The following COL3A1 variants were observed in gnomAD, a reference collection of about 807,000 sequenced individuals.
The protein encoded by COL3A1 is collagen type III alpha 1 chain, also known as collagen alpha-1(III) chain.
In COL3A1, 46 loss-of-function variants were observed where a neutral mutation model predicts 200.9. The ratio of observed to expected loss-of-function variants is 0.23; its 90% CI spans 0.18 to 0.29. The LOEUF is 0.29. Ranked by LOEUF, COL3A1 falls within the 10% of genes least tolerant of loss-of-function variation. COL3A1 has a pLI of 1.00. For synonymous variants in COL3A1, 650 were observed against 628.0 expected (o/e 1.03, Z -0.52); for missense variants, 1,367 against 1,917.6 (o/e 0.71, Z 5.36).
At chr2:188,989,143 AT>A (rs1430673731) in intron 7 of COL3A1, among the ~76,000 whole-genome samples, 13 of 151,578 alleles carry the variant, frequency 8.6e-5, no homozygotes, top group Admixed American at 8.5e-4. Flanking sequence ...TATATTTAAT[AT>A]TCCTAAACGT....
At position 188,994,695 on chromosome 2, in the gene COL3A1, T is replaced by C; in HGVS notation, c.1348-29T>C. The C allele has an allele frequency of 1.2e-6, 2 of 1,611,402 alleles. No homozygotes were observed. The highest frequency in any genetic ancestry group is 1.7e-6 in the Non-Finnish European group (2 of 1,178,574). ...TTGAACTAAATTCAGTCATAATTTC[T>C]TTATTTTACCATCTTTTTTTTTTTT... On this transcript the variant is annotated intron_variant, in intron 19 of 50. Transcript: ENST00000304636. The surrounding 1 kb of genome is among the most constrained non-coding windows in gnomAD (Gnocchi z 4.5).
intron 36 of COL3A1, 116 bp from the exon 37 acceptor site, chr2:189,003,295 C>A (rs1688510973): frequency 1.1e-6 from 1 of 884,896 alleles, no homozygotes. Context: ...TCAGCACCAG[C>A]AATCTAAAAG....
Position 189,008,837 on chromosome 2 carries a change from T to C in COL3A1, c.3526-87T>C, listed in dbSNP as rs944059780. 10 of 1,390,768 alleles carry C rather than the reference T, an allele frequency of 7.2e-6. No homozygotes were observed. In the African/African-American group the frequency reaches 1.1e-4, roughly 16 times the overall value. 86.2% of individuals were successfully genotyped at this position (1,390,768 alleles called of 1,614,324 possible). A position where few individuals can be genotyped will look rare whatever the true frequency, so the allele number is the denominator to read the frequency against. On this transcript the variant is annotated intron_variant, in intron 47 of 50. Coordinates refer to ENST00000304636, the MANE Select transcript of COL3A1 (RefSeq NM_000090.4). Reference sequence around the variant, plus strand: ...TGATGACACAATGAATGAATTATTTTTAAGGCATTTTCTTGGACTAGCAAT... The same window carrying C: ...TGATGACACAATGAATGAATTATTTCTAAGGCATTTTCTTGGACTAGCAAT...
chr2:188,978,639 A>G (rs1414925931), intron 1 of COL3A1, among the ~76,000 whole-genome samples: 2 of 151,868 alleles, frequency 1.3e-5, no homozygotes, highest in Admixed American at 1.3e-4. Context: ...TTTGCTGGAC[A>G]TGAGGAACAG....
intron 1 of COL3A1, among the ~76,000 whole-genome samples, chr2:188,975,591 A>T (rs1365187674): frequency 2.0e-5 from 3 of 152,202 alleles, no homozygotes; most frequent in Admixed American, 6.5e-5. Context: ...ATTTAAACAT[A>T]TAGATTTTGC....
intron 36 of COL3A1, 141 bp downstream of exon 36, chr2:189,003,203 G>A: frequency 1.2e-6 from 1 of 820,860 alleles, no homozygotes; most frequent in Non-Finnish European, 2.0e-6. Context: ...AGGTTTATCA[G>A]TAATTTAATA....
chr2:189,007,063 T>A, intron 44 of COL3A1, 73 bp downstream of exon 44: 1 of 1,137,406 alleles, frequency 8.8e-7, no homozygotes, highest in Non-Finnish European at 1.3e-6. Flanking sequence ...TAGGAAATAT[T>A]TTATTTTCCA....
In COL3A1 at chr2:189,011,948, T is replaced by C; in HGVS notation, c.*174T>C. On this transcript the variant is annotated 3_prime_UTR_variant, in exon 51 of 51. Coordinates refer to ENST00000304636, the MANE Select transcript of COL3A1 (RefSeq NM_000090.4). Reference sequence around the variant, plus strand: ...AATGATACTTCTCTTTTTTTGCTGTTCCACCAAATACAATTCAAATGCTTT... The same window carrying C: ...AATGATACTTCTCTTTTTTTGCTGTCCCACCAAATACAATTCAAATGCTTT... 1.5e-6 allele frequency: 1 copy of C among 687,258 alleles called. No homozygotes were observed. The highest frequency in any genetic ancestry group is 2.8e-5 in the Admixed American group (1 of 35,672). 42.6% of individuals were successfully genotyped at this position (687,258 alleles called of 1,614,324 possible).
In COL3A1 at chr2:188,995,727, A is replaced by C; in HGVS notation, c.1545A>C (p.Ala515=). ...GAGAGCGTGGTGCTCCAGGCCCTGC[A>C]GGGCCCAGAGGAGCTGCTGGAGAAC... ...PAGERGAPGP[A]GPRGAAGEPG... is the part of the protein sequence containing the mutation. The change falls in exon 22 of 51, where the codon GCA becomes GCC. Residue 515 remains alanine, a synonymous_variant. Coordinates refer to ENST00000304636, the MANE Select transcript of COL3A1 (RefSeq NM_000090.4). 6.4e-7 allele frequency: 1 copy of C among 1,564,280 alleles called. No individual in the cohort carries two copies. Among genetic ancestry groups the C allele is most frequent in the Non-Finnish European group, 8.7e-7 (1 of 1,153,790 alleles).
chr2:189,002,371 C>T lies in COL3A1; in HGVS notation c.2445+20C>T. The T allele has an allele frequency of 6.2e-7, 1 of 1,609,118 alleles. No homozygotes were observed. Among genetic ancestry groups the T allele is most frequent in the Non-Finnish European group, 8.5e-7 (1 of 1,175,524 alleles). On this transcript the variant is annotated intron_variant, in intron 35 of 50. Transcript: ENST00000304636. ...GCTCCTGTAAGTGTGAATATTTATA[C>T]ATACATGTCCCATAGCCCAGGATCT...
At position 188,994,661 on chromosome 2, in the gene COL3A1, G is replaced by A; in HGVS notation, c.1348-63G>A. ...TGCAACATAATTAGAAAGTAAACAG[G>A]TAAAAACTTTGAACTAAATTCAGTC... On this transcript the variant is annotated intron_variant, in intron 19 of 50. Coordinates refer to ENST00000304636, the MANE Select transcript of COL3A1 (RefSeq NM_000090.4). The surrounding 1 kb of genome is among the most constrained non-coding windows in gnomAD (Gnocchi z 4.5). 6.2e-7 allele frequency: 1 copy of A among 1,611,920 alleles called. No individual in the cohort carries two copies. Among genetic ancestry groups the A allele is most frequent in the South Asian group, 1.1e-5 (1 of 90,962 alleles).
rs550665335 is a variant in COL3A1, at chr2:189,009,005, G to C, written c.3607G>C (p.Ala1203Pro). ...TCCTTGCTGTGGTGGTGTTGGAGCC[G>C]CTGCCATTGCTGGGATTGGAGGTGA... ...PGPCCGGVGA[A>P]AIAGIGGEKA... The change falls in exon 48 of 51, where the codon GCT becomes CCT. Residue 1203 changes from alanine (A) to proline (P), a missense_variant. Physicochemically the swap from Ala to Pro is conservative, Grantham distance 27. This residue lies in a region of COL3A1 where 846 missense variants were observed against 1,147.9 expected (regional missense o/e 0.74). Transcript: ENST00000304636. 5 of 1,614,164 alleles carry C rather than the reference G, an allele frequency of 3.1e-6. No individual in the cohort carries two copies. Among genetic ancestry groups the C allele is most frequent in the Non-Finnish European group, 4.2e-6 (5 of 1,180,038 alleles).
chr2:188,990,915 C>A, intron 10 of COL3A1, 89 bp from the exon 11 acceptor site: 2 of 1,329,800 alleles, frequency 1.5e-6, no homozygotes, highest in Non-Finnish European at 2.2e-6. Flanking sequence ...GTTATGAAGA[C>A]CAATTAGAAA....
chr2:188,993,922 T>G, intron 16 of COL3A1, 116 bp from the exon 17 acceptor site: 1 of 955,576 alleles, frequency 1.0e-6, no homozygotes, highest in Non-Finnish European at 1.7e-6. Flanking sequence ...GAGGATTCAC[T>G]TAATCTCTAC....
intron 1 of COL3A1, among the ~76,000 whole-genome samples, chr2:188,983,078 T>A (rs1687988069): frequency 6.6e-6 from 1 of 151,944 alleles, no homozygotes; most frequent in South Asian, 2.1e-4. Context: ...ATTTTGGTAT[T>A]CAGCTTTTAT....
At chr2:188,988,018 A>G (rs1688099022) in intron 5 of COL3A1, 63 bp from the exon 6 acceptor site, 1 of 1,252,818 alleles carries the variant, frequency 8.0e-7, no homozygotes, top group African/African-American at 1.5e-5. Context: ...CATTGCTTTG[A>G]AGCATGGATA....
Position 189,012,413 on chromosome 2 carries a change from T to C in COL3A1, c.*639T>C, listed in dbSNP as rs1054072826. 1.3e-5 allele frequency: 2 copies of C among 152,728 alleles called. No individual in the cohort carries two copies. Among genetic ancestry groups the C allele is most frequent in the Admixed American group, 1.3e-4 (2 of 15,286 alleles). 9.5% of individuals were successfully genotyped at this position (152,728 alleles called of 1,614,324 possible). A position where few individuals can be genotyped will look rare whatever the true frequency, so the allele number is the denominator to read the frequency against. On this transcript the variant is annotated 3_prime_UTR_variant, in exon 51 of 51. Coordinates refer to ENST00000304636, the MANE Select transcript of COL3A1 (RefSeq NM_000090.4). ...TCCTCTTTTTTCTTGTCATTGCTGG[T>C]CAAGATTACTAATATTTGGGAAGGC...
intron 1 of COL3A1, among the ~76,000 whole-genome samples, chr2:188,975,023 A>G (rs1559049152): frequency 6.6e-6 from 1 of 152,214 alleles, no homozygotes; most frequent in East Asian, 1.9e-4. Flanking sequence ...TGGATTAAGA[A>G]CAGTCTAAAG....
Position 188,994,674 on chromosome 2 carries a change from A to G in COL3A1, c.1348-50A>G, listed in dbSNP as rs1030464500. 1 of 1,612,446 alleles carries G rather than the reference A, an allele frequency of 6.2e-7. No homozygotes were observed. The highest frequency in any genetic ancestry group is 1.7e-5 in the Admixed American group (1 of 59,896). On this transcript the variant is annotated intron_variant, in intron 19 of 50. Transcript: ENST00000304636. The surrounding 1 kb of genome is among the most constrained non-coding windows in gnomAD (Gnocchi z 4.5). ...GAAAGTAAACAGGTAAAAACTTTGA[A>G]CTAAATTCAGTCATAATTTCTTTAT... is the stretch of plus-strand genomic sequence containing the variant.
Sources: gnomAD v4.1 joint callset for allele counts (sites outside exome capture counted in the v4.1 genomes callset) on GRCh38, gnomAD v4.1.1 for gene constraint, gnomAD v4.1.1 regional missense constraint, Gnocchi (gnomAD v3.1) non-coding constraint, MANE v1.5 for transcripts, NCBI Gene and HGNC (gene_info 2026-07-23, HGNC 2026-07-21) for gene names.